The following HSD17B2 variants were observed in gnomAD, a reference collection of about 807,000 sequenced individuals.
HSD17B2 encodes 17-beta-hydroxysteroid dehydrogenase type 2.
Under a neutral mutation model 26.9 loss-of-function variants are expected in HSD17B2, and 32 were observed. The observed-to-expected ratio is 1.19, with a 90% CI of 0.90 to 1.60. The LOEUF is 1.60. Among genes scored for constraint, HSD17B2 ranks in the 40% most tolerant of loss-of-function variants. HSD17B2 has a pLI of 0.00. For synonymous variants in HSD17B2, 246 were observed against 186.7 expected (o/e 1.32, Z -2.59); for missense variants, 613 against 468.6 (o/e 1.31, Z -2.85).
chr16:82,097,246 GTCTATGTCTATGTCTA>G (rs1904869135), intron 4 of HSD17B2: 1 of 149,158 alleles, frequency 6.7e-6, no homozygotes, highest in African/African-American at 2.5e-5. Flanking sequence ...CTATGTCTAT[GTCTATGTCTATGTCTA>G]TGTCTATGTG....
chr16:82,060,287 A>G (rs1320217381), intron 1 of HSD17B2, among the ~76,000 whole-genome samples: 2 of 152,194 alleles, frequency 1.3e-5, no homozygotes, highest in Non-Finnish European at 2.9e-5. Context: ...TGTAAGTGGG[A>G]AACTGTAGGT....
chr16:82,074,850 A>G (rs1482645611), intron 3 of HSD17B2, among the ~76,000 whole-genome samples: 1 of 152,216 alleles, frequency 6.6e-6, no homozygotes, highest in African/African-American at 2.4e-5. Flanking sequence ...GACCAAATGG[A>G]CCTAATTGTT....
At chr16:82,094,401 G>A (rs188388565) in intron 4 of HSD17B2, 12 of 152,336 alleles carry the variant, frequency 7.9e-5, no homozygotes, top group Admixed American at 3.3e-4. Flanking sequence ...CTGAGGAGCA[G>A]GTTTCATTGA....
intron 3 of HSD17B2, among the ~76,000 whole-genome samples, chr16:82,083,905 C>T (rs1904447926): frequency 6.6e-6 from 1 of 152,120 alleles, no homozygotes; most frequent in Non-Finnish European, 1.5e-5. Context: ...AATATTTAAC[C>T]AAGTATCAGA....
intron 1 of HSD17B2, among the ~76,000 whole-genome samples, chr16:82,061,713 G>GAC (rs1167369638): frequency 6.6e-6 from 1 of 152,154 alleles, no homozygotes; most frequent in African/African-American, 2.4e-5. Context: ...AAAAGAACAT[G>GAC]AACATTATGA....
At chr16:82,039,337 G>C (rs1913706484) in intron 1 of HSD17B2, among the ~76,000 whole-genome samples, 1 of 150,892 alleles carries the variant, frequency 6.6e-6, no homozygotes, top group African/African-American at 2.4e-5. Flanking sequence ...AGATGAGAGA[G>C]AGAGAGAGAG....
At chr16:82,042,310 C>T (rs1352969502) in intron 1 of HSD17B2, among the ~76,000 whole-genome samples, 1 of 151,972 alleles carries the variant, frequency 6.6e-6, no homozygotes, top group African/African-American at 2.4e-5. Context: ...CAGCCTCCCA[C>T]AGTGCTAGGA....
intron 1 of HSD17B2, among the ~76,000 whole-genome samples, chr16:82,051,734 A>G (rs1457855202): frequency 2.0e-5 from 3 of 152,218 alleles, no homozygotes; most frequent in Non-Finnish European, 4.4e-5. Context: ...TTTAAAGTAA[A>G]ATAAAAAAAG....
intron 1 of HSD17B2, among the ~76,000 whole-genome samples, chr16:82,047,153 G>C (rs1210023793): frequency 6.6e-6 from 1 of 152,200 alleles, no homozygotes; most frequent in Non-Finnish European, 1.5e-5. Context: ...CCCTCCATTA[G>C]CAGGGGTGGC....
chr16:82,072,553 A>C (rs946055570), intron 3 of HSD17B2, among the ~76,000 whole-genome samples: 1 of 152,152 alleles, frequency 6.6e-6, no homozygotes. Flanking sequence ...GCACACTGAC[A>C]AGGAGGTTTC....
chr16:82,097,846 G>A (rs1904897872), intron 4 of HSD17B2: 3 of 331,100 alleles, frequency 9.1e-6, no homozygotes, highest in African/African-American at 6.4e-5. Flanking sequence ...GCTGAGGCAA[G>A]AGAATCACTT....
chr16:82,038,355 C>T (rs7195902), intron 1 of HSD17B2, among the ~76,000 whole-genome samples: 2,529 of 152,042 alleles, frequency 0.017, 64 homozygotes, highest in African/African-American at 0.058. Context: ...TATTTTATTT[C>T]ATTTTATTTT....
intron 1 of HSD17B2, among the ~76,000 whole-genome samples, chr16:82,067,797 T>G (rs941652427): frequency 6.6e-6 from 1 of 152,304 alleles, no homozygotes; most frequent in South Asian, 2.1e-4. Flanking sequence ...ACAGAGTGAG[T>G]GAAGTTACAT....
chr16:82,080,813 G>C (rs1233942352), intron 3 of HSD17B2, among the ~76,000 whole-genome samples: 2 of 152,114 alleles, frequency 1.3e-5, no homozygotes, highest in Non-Finnish European at 2.9e-5. Context: ...CCATGTTGAA[G>C]GAACGCTTAG....
intron 2 of HSD17B2, chr16:82,070,690 T>G (rs532617692): frequency 3.4e-5 from 17 of 498,968 alleles, no homozygotes; most frequent in Middle Eastern, 1.0e-3. Flanking sequence ...GTTCACTTAG[T>G]AAATTCTGAA....
intron 3 of HSD17B2, among the ~76,000 whole-genome samples, chr16:82,081,976 T>G (rs1420625475): frequency 1.3e-5 from 2 of 152,186 alleles, no homozygotes. Flanking sequence ...GCCATTATCC[T>G]CAGCAACCTA....
chr16:82,079,038 T>G (rs568942043), intron 3 of HSD17B2, among the ~76,000 whole-genome samples: 22 of 152,356 alleles, frequency 1.4e-4, no homozygotes, highest in Non-Finnish European at 3.1e-4. Context: ...AAATGGATTG[T>G]GTGCAACACA....
chr16:82,051,721 G>A (rs940126610), intron 1 of HSD17B2, among the ~76,000 whole-genome samples: 7 of 152,036 alleles, frequency 4.6e-5, no homozygotes, highest in Non-Finnish European at 8.8e-5. Flanking sequence ...ATGTATCCCG[G>A]AATTTAAAGT....
intron 1 of HSD17B2, among the ~76,000 whole-genome samples, chr16:82,039,219 C>A (rs573395754): frequency 2.1e-4 from 31 of 151,052 alleles, no homozygotes; most frequent in African/African-American, 6.8e-4. Flanking sequence ...TTTTGGGACT[C>A]TGTTTTCTCC....
Sources: gnomAD v4.1 joint callset for allele counts (sites outside exome capture counted in the v4.1 genomes callset) on GRCh38, gnomAD v4.1.1 for gene constraint, MANE v1.5 for transcripts, NCBI Gene and HGNC (gene_info 2026-07-23, HGNC 2026-07-21) for gene names.